Variants in HDAC9 observed in about 807,000 individuals in gnomAD.
The protein encoded by HDAC9 is histone deacetylase 9.
HDAC9 carries 41 observed loss-of-function variants against 139.4 expected under a neutral mutation model. The ratio of observed to expected loss-of-function variants is 0.29; its 90% CI spans 0.23 to 0.38. The LOEUF (loss-of-function observed/expected upper bound fraction) is 0.38. HDAC9 is among the 10% of genes least tolerant of loss of function. HDAC9 has a pLI of 1.00. For synonymous variants in HDAC9, 517 were observed against 476.2 expected, an observed-to-expected ratio of 1.09 and a Z score of -1.12; for missense variants, 1,147 against 1,297.0, an observed-to-expected ratio of 0.88 and a Z score of 1.78.
At chr7:18,093,835 T>C (rs1782326552) in intron 1 of HDAC9, among the ~76,000 whole-genome samples, 1 of 152,200 alleles carries the variant, frequency 6.6e-6, no homozygotes, top group Non-Finnish European at 1.5e-5. Flanking sequence ...CTGAAATCTA[T>C]TCATAGATAT....
intron 2 of HDAC9, among the ~76,000 whole-genome samples, chr7:18,278,353 A>G (rs557622659): frequency 6.6e-6 from 1 of 152,334 alleles, no homozygotes; most frequent in African/African-American, 2.4e-5. Context: ...ACAAAAACAT[A>G]CGCTTTGAAT....
intron 1 of HDAC9, among the ~76,000 whole-genome samples, chr7:18,375,612 G>C (rs1191975237): frequency 6.6e-6 from 1 of 152,198 alleles, no homozygotes; most frequent in Non-Finnish European, 1.5e-5. Context: ...CTGCACACTG[G>C]CACTTCGCTG....
At chr7:18,351,100 A>G (rs929040252) in intron 1 of HDAC9, among the ~76,000 whole-genome samples, 2 of 152,180 alleles carry the variant, frequency 1.3e-5, no homozygotes, top group Non-Finnish European at 2.9e-5. Flanking sequence ...AGTCGGCTGT[A>G]AATAGTTTTT....
chr7:18,943,985 G>T (rs1320198628), intron 23 of HDAC9, among the ~76,000 whole-genome samples: 2 of 152,026 alleles, frequency 1.3e-5, no homozygotes, highest in Non-Finnish European at 2.9e-5. Context: ...ATTTGGTCAA[G>T]AATTTTAATG....
At chr7:18,849,489 A>G (rs1286518694) in intron 21 of HDAC9, among the ~76,000 whole-genome samples, 1 of 152,192 alleles carries the variant, frequency 6.6e-6, no homozygotes, top group Non-Finnish European at 1.5e-5. Context: ...TCAGCTGAGT[A>G]TATTTTGTTT....
chr7:18,995,307 C>T (rs1563118163), intron 25 of HDAC9, among the ~76,000 whole-genome samples: 1 of 152,196 alleles, frequency 6.6e-6, no homozygotes, highest in Admixed American at 6.5e-5. Flanking sequence ...ATTCCTCCTA[C>T]AATTTATTCT....
chr7:18,293,497 G>A (rs1227812599), intron 1 of HDAC9, among the ~76,000 whole-genome samples: 5 of 151,960 alleles, frequency 3.3e-5, no homozygotes, highest in South Asian at 2.1e-4. Context: ...ATCACACACC[G>A]GGCATTCTTA....
chr7:18,293,586 T>A (rs916345297), intron 1 of HDAC9, among the ~76,000 whole-genome samples: 4 of 152,156 alleles, frequency 2.6e-5, no homozygotes, highest in African/African-American at 9.7e-5. Flanking sequence ...TGTTCCATCA[T>A]CTTGGTTTTT....
At chr7:18,323,655 C>G (rs1340029900) in intron 1 of HDAC9, among the ~76,000 whole-genome samples, 3 of 152,104 alleles carry the variant, frequency 2.0e-5, no homozygotes, top group Non-Finnish European at 4.4e-5. Context: ...TGAATAAGAC[C>G]TAGTTCCAAG....
At chr7:18,270,485 G>A (rs1796286031) in intron 2 of HDAC9, among the ~76,000 whole-genome samples, 1 of 152,118 alleles carries the variant, frequency 6.6e-6, no homozygotes, top group Non-Finnish European at 1.5e-5. Context: ...AAGTACATTG[G>A]TACTTTCCTT....
chr7:18,772,397 A>G (rs1015511882), intron 16 of HDAC9, among the ~76,000 whole-genome samples: 1 of 151,950 alleles, frequency 6.6e-6, no homozygotes, highest in Non-Finnish European at 1.5e-5. Flanking sequence ...TTTGATATTG[A>G]CTCAGGAACC....
chr7:18,874,343 A>G (rs2129246812), intron 21 of HDAC9, 135 bp from the exon 22 acceptor site: 1 of 537,656 alleles, frequency 1.9e-6, no homozygotes, highest in Non-Finnish European at 3.4e-6. Context: ...CTTTTGTCCC[A>G]TTCAAATAAT....
intron 1 of HDAC9, among the ~76,000 whole-genome samples, chr7:18,463,298 C>G (rs923914785): frequency 2.6e-5 from 4 of 151,874 alleles, no homozygotes; most frequent in African/African-American, 7.2e-5. Flanking sequence ...TCTGGAAGAA[C>G]GTGGTGTTAT....
At chr7:18,384,078 A>C (rs117566737) in intron 1 of HDAC9, among the ~76,000 whole-genome samples, 1 of 152,150 alleles carries the variant, frequency 6.6e-6, no homozygotes, top group Non-Finnish European at 1.5e-5. Context: ...TGGGAGGCCA[A>C]GGTGGGAGGA....
intron 1 of HDAC9, among the ~76,000 whole-genome samples, chr7:18,154,111 C>T (rs1214735995): frequency 6.6e-6 from 1 of 152,140 alleles, no homozygotes; most frequent in African/African-American, 2.4e-5. Flanking sequence ...TTCATGCTTC[C>T]CTTCACATTT....
chr7:18,292,396 G>A (rs1038285619), intron 1 of HDAC9, among the ~76,000 whole-genome samples: 2 of 152,072 alleles, frequency 1.3e-5, no homozygotes, highest in African/African-American at 2.4e-5. Context: ...CCGTGGTTTT[G>A]CTCTTAGGCT....
chr7:18,561,034 A>G (rs1228746303), intron 2 of HDAC9, among the ~76,000 whole-genome samples: 1 of 152,170 alleles, frequency 6.6e-6, no homozygotes, highest in African/African-American at 2.4e-5. Context: ...AGCCCCAGAA[A>G]GCCTTTGGTG....
At chr7:18,611,963 T>G (rs1366833147) in intron 6 of HDAC9, among the ~76,000 whole-genome samples, 1 of 152,154 alleles carries the variant, frequency 6.6e-6, no homozygotes. Flanking sequence ...GTGAAACCTG[T>G]TTCAAGTTGG....
intron 22 of HDAC9, among the ~76,000 whole-genome samples, chr7:18,918,723 A>G (rs534550776): frequency 6.6e-6 from 1 of 152,198 alleles, no homozygotes; most frequent in Admixed American, 6.6e-5. Context: ...TTCACCAGAA[A>G]CAAAACATGA....
Sources: allele counts gnomAD v4.1 joint callset (sites outside exome capture counted in the v4.1 genomes callset), GRCh38; gene constraint gnomAD v4.1.1; transcripts MANE v1.5; gene names NCBI Gene and HGNC (gene_info 2026-07-23, HGNC 2026-07-21).